MNS1: variants seen among roughly 807,000 people sequenced by gnomAD.
MNS1 encodes meiosis-specific nuclear structural protein 1.
A neutral mutation model predicts 72.0 loss-of-function variants in MNS1; 63 were observed. The observed-to-expected ratio is 0.87, with a 90% CI of 0.71 to 1.08. The LOEUF (loss-of-function observed/expected upper bound fraction) is 1.08. Among genes scored for constraint, MNS1 ranks in the 50% least tolerant of loss-of-function variants. The pLI, the probability that MNS1 is intolerant of heterozygous loss-of-function variation, is 0.00. For missense variants in MNS1, 604 were observed against 562.4 expected (o/e 1.07, Z -0.75); for synonymous variants, 188 against 172.1 (o/e 1.09, Z -0.72).
intron 2 of MNS1, 77 bp from the exon 3 acceptor site, chr15:56,456,598 C>A: frequency 6.7e-7 from 1 of 1,486,178 alleles, no homozygotes; most frequent in Non-Finnish European, 9.1e-7. Flanking sequence ...TGTTTTATAA[C>A]AGAAAACTAA....
At chr15:56,446,974 G>T (rs1467251215) in intron 3 of MNS1, 31 bp from the exon 4 acceptor site, 1 of 1,481,916 alleles carries the variant, frequency 6.7e-7, no homozygotes, top group Admixed American at 1.7e-5. Context: ...AAATTTAAAT[G>T]TTAGGACCAT....
At chr15:56,436,224 A>C (rs926246482) in intron 7 of MNS1, among the ~76,000 whole-genome samples, 4 of 152,154 alleles carry the variant, frequency 2.6e-5, no homozygotes, top group Admixed American at 2.0e-4. Context: ...CTCCTCAGCA[A>C]ATGTAAAAGA....
rs56022687 is a variant in MNS1, at chr15:56,461,975, G to GT, written c.225+2050dup. On this transcript the variant is annotated intron_variant, in intron 2 of 9. Coordinates refer to ENST00000260453, the MANE Select transcript of MNS1 (RefSeq NM_018365.4). The stretch of plus-strand genomic sequence containing the variant: ...AATAACAAAGTGTTTTTTTGTTGTT[G>GT]TTTTTTTTTTTTTTTTTTTTTTTTT... Among the ~76,000 whole-genome samples, 256 of 97,730 alleles carry GT rather than the reference G, an allele frequency of 2.6e-3. 9 individuals carry two copies. Among genetic ancestry groups the GT allele is most frequent in the Non-Finnish European group, 4.2e-3 (202 of 47,886 alleles). 64.1% of individuals were successfully genotyped at this position (97,730 alleles called of 152,430 possible).
intron 7 of MNS1, among the ~76,000 whole-genome samples, chr15:56,442,902 GAGAAAA>G (rs1272729255): frequency 2.0e-5 from 3 of 149,752 alleles, no homozygotes; most frequent in Admixed American, 6.6e-5. Flanking sequence ...AAGTTGGAAA[GAGAAAA>G]AGAAAAAAAA....
chr15:56,464,333 A>G, intron 1 of MNS1, 86 bp from the exon 2 acceptor site: 1 of 954,108 alleles, frequency 1.0e-6, no homozygotes, highest in Non-Finnish European at 1.6e-6. Flanking sequence ...CTTAGTAAGA[A>G]AGGATACGAA....
At chr15:56,459,777 G>T (rs1432454544) in intron 2 of MNS1, among the ~76,000 whole-genome samples, 1 of 151,118 alleles carries the variant, frequency 6.6e-6, no homozygotes, top group African/African-American at 2.4e-5. Context: ...GATCATCTTA[G>T]GTTGGGAGTT....
intron 1 of MNS1, among the ~76,000 whole-genome samples, chr15:56,464,603 A>G (rs887031189): frequency 6.6e-5 from 10 of 151,996 alleles, no homozygotes; most frequent in Non-Finnish European, 1.0e-4. Flanking sequence ...CACCACGACT[A>G]CCACCACAGG....
chr15:56,448,577 A>C (rs1222571914), intron 3 of MNS1, among the ~76,000 whole-genome samples: 1 of 152,054 alleles, frequency 6.6e-6, no homozygotes, highest in African/African-American at 2.4e-5. Flanking sequence ...CATTGTTTTT[A>C]TGTCTGTAGA....
chr15:56,460,003 A>AT (rs1243035397), intron 2 of MNS1, among the ~76,000 whole-genome samples: 2 of 32,860 alleles, frequency 6.1e-5, no homozygotes, highest in African/African-American at 2.3e-4. Flanking sequence ...AAAAAAAAAA[A>AT]AAAAAAATAC....
chr15:56,445,925 T>G (rs571565809), intron 4 of MNS1: 34 of 152,062 alleles, frequency 2.2e-4, no homozygotes, highest in Non-Finnish European at 3.5e-4. Context: ...CAGCGCTATA[T>G]GGCTTAGCAA....
intron 2 of MNS1, among the ~76,000 whole-genome samples, chr15:56,461,339 G>T (rs768013212): frequency 1.3e-5 from 2 of 152,032 alleles, no homozygotes; most frequent in Non-Finnish European, 2.9e-5. Flanking sequence ...AGCAAGGAAG[G>T]TATCAAAGAT....
At chr15:56,438,358 G>A (rs1293636885) in intron 7 of MNS1, among the ~76,000 whole-genome samples, 1 of 151,398 alleles carries the variant, frequency 6.6e-6, no homozygotes, top group Non-Finnish European at 1.5e-5. Flanking sequence ...AAAAAGACAG[G>A]TTTGTTACAA....
At chr15:56,455,398 A>G (rs1254963959) in intron 3 of MNS1, among the ~76,000 whole-genome samples, 2 of 152,122 alleles carry the variant, frequency 1.3e-5, no homozygotes, top group Non-Finnish European at 2.9e-5. Context: ...AGAGAATCTG[A>G]TTAGAGTTGT....
chr15:56,441,211 T>C (rs181517257), intron 7 of MNS1, among the ~76,000 whole-genome samples: 1 of 152,302 alleles, frequency 6.6e-6, no homozygotes, highest in East Asian at 1.9e-4. Flanking sequence ...ATATTTTCAT[T>C]ACTGATTTTT....
At chr15:56,460,596 G>C (rs2051014119) in intron 2 of MNS1, among the ~76,000 whole-genome samples, 2 of 152,116 alleles carry the variant, frequency 1.3e-5, no homozygotes, top group East Asian at 3.8e-4. Context: ...GTCAGGTGAA[G>C]GGTATATGTG....
rs879688462 is a variant in MNS1, at chr15:56,464,051, A to T, written c.200T>A (p.Leu67Ter). The T allele has an allele frequency of 2.6e-5, 42 of 1,613,196 alleles. No individual in the cohort carries two copies. The highest frequency in any genetic ancestry group is 3.5e-5 in the Non-Finnish European group (41 of 1,179,802). ...CTTTTGAATGGCCTCTTCCATATCC[A>T]ACTCAAATTGTTCATTTTGTAATAA... ...LRLLQNEQFE[L>*]DMEEAIQKAE... The change falls in exon 2 of 10, where the codon TTG becomes TAG. Residue 67 changes from leucine (L) to a stop codon, truncating the protein, a stop_gained. Coordinates refer to ENST00000260453, the MANE Select transcript of MNS1 (RefSeq NM_018365.4). LOFTEE classifies it high-confidence loss of function.
Position 56,444,523 on chromosome 15 carries a change from G to A in MNS1, c.607C>T (p.Gln203Ter). ...TTTAGCAGCTGCTCATAAGCTTCCT[G>A]CTTTTTTTTTTCTTGTTCTTCAAGT... ...KQLEEQEKKK[Q>*]EAYEQLLKEK... Residue 203 changes from glutamine to a stop codon, truncating the protein, a stop_gained, in exon 5 of 10, where the codon CAG becomes TAG. Transcript: ENST00000260453. LOFTEE classifies it high-confidence loss of function. 7 of 1,611,076 alleles carry A rather than the reference G, an allele frequency of 4.3e-6. No individual in the cohort carries two copies. The highest frequency in any genetic ancestry group is 5.9e-6 in the Non-Finnish European group (7 of 1,179,092).
In MNS1 at chr15:56,444,572, C is replaced by T; in HGVS notation, c.558G>A (p.Gln186=). ...GTTGTTTCTCTAAGTCAAGATAGTA[C>T]TGTGCTTTCGCTTTGTTTCGTTTGT... ...AEDKRNKAKA[Q]YYLDLEKQLE... The change falls in exon 5 of 10, where the codon CAG becomes CAA. Residue 186 remains glutamine, a synonymous_variant. Transcript: ENST00000260453. 1.9e-6 allele frequency: 3 copies of T among 1,612,752 alleles called. No individual in the cohort carries two copies. Among genetic ancestry groups the T allele is most frequent in the Non-Finnish European group, 2.5e-6 (3 of 1,179,412 alleles).
At chr15:56,458,660 A>T (rs187544908) in intron 2 of MNS1, among the ~76,000 whole-genome samples, 1 of 152,252 alleles carries the variant, frequency 6.6e-6, no homozygotes. Flanking sequence ...TACTGTTTCC[A>T]TAGTTTTGCC....
Sources: allele counts gnomAD v4.1 joint callset (sites outside exome capture counted in the v4.1 genomes callset), GRCh38; gene constraint gnomAD v4.1.1; transcripts MANE v1.5; gene names NCBI Gene and HGNC (gene_info 2026-07-23, HGNC 2026-07-21).